ODF2: variants seen among roughly 807,000 people sequenced by gnomAD.
ODF2 encodes outer dense fiber protein 2.
In ODF2, 47 loss-of-function variants were observed where a neutral mutation model predicts 110.2. The ratio of observed to expected loss-of-function variants is 0.43; its 90% CI spans 0.34 to 0.54. The LOEUF (loss-of-function observed/expected upper bound fraction) is 0.54. Ranked by LOEUF, ODF2 falls within the 20% of genes least tolerant of loss-of-function variation. ODF2 has a pLI of 0.03. For missense variants in ODF2, 812 were observed against 1,054.5 expected, an observed-to-expected ratio of 0.77 and a Z score of 3.19; for synonymous variants, 352 against 397.7, an observed-to-expected ratio of 0.89 and a Z score of 1.37.
At chr9:128,457,557 A>C (rs1835230534) in intron 2 of ODF2, 10 of 1,303,562 alleles carry the variant, frequency 7.7e-6, no homozygotes, top group Non-Finnish European at 1.0e-5. Context: ...GTCTGGACCA[A>C]AACGTTTAAA....
At chr9:128,462,591 A>AT (rs1213222412) in intron 4 of ODF2, among the ~76,000 whole-genome samples, 7 of 150,444 alleles carry the variant, frequency 4.7e-5, no homozygotes, top group African/African-American at 1.7e-4. Flanking sequence ...GAGTACAGGG[A>AT]TTTTGTTTTT....
At chr9:128,462,623 G>A (rs1254811879) in intron 4 of ODF2, among the ~76,000 whole-genome samples, 5 of 147,626 alleles carry the variant, frequency 3.4e-5, no homozygotes, top group Non-Finnish European at 6.0e-5. Context: ...TTTTTGAGAC[G>A]GAGTCTCGCT....
intron 6 of ODF2, among the ~76,000 whole-genome samples, chr9:128,472,016 T>C (rs1293769233): frequency 1.3e-5 from 2 of 152,154 alleles, no homozygotes; most frequent in African/African-American, 4.8e-5. Flanking sequence ...GCGTGGTGGC[T>C]CACGCCTGTA....
intron 4 of ODF2, among the ~76,000 whole-genome samples, chr9:128,466,766 A>C (rs1464846222): frequency 6.7e-6 from 1 of 149,284 alleles, no homozygotes; most frequent in African/African-American, 2.4e-5. Flanking sequence ...TCACAAGGTC[A>C]GGAGATCGAG....
exon 11 of ODF2, chr9:128,483,949 G>A: frequency 1.2e-6 from 2 of 1,613,110 alleles, no homozygotes; most frequent in Non-Finnish European, 1.7e-6. Flanking sequence ...CTCAAGCAAA[G>A]ACAGCCTCTG....
chr9:128,482,912 T>G, intron 10 of ODF2, 25 bp downstream of exon 10: 1 of 1,564,792 alleles, frequency 6.4e-7, no homozygotes, highest in Admixed American at 1.8e-5. Context: ...TTTTTTTTTT[T>G]TTTAGACGGA....
At chr9:128,461,176 A>T in intron 4 of ODF2, 109 bp downstream of exon 4, 1 of 1,371,718 alleles carries the variant, frequency 7.3e-7, no homozygotes, top group Non-Finnish European at 9.9e-7. Context: ...GTCCTAACAG[A>T]CCCCATTTAC....
intron 3 of ODF2, chr9:128,460,271 G>C: frequency 7.4e-7 from 1 of 1,356,498 alleles, no homozygotes. Flanking sequence ...GAACCCTGGG[G>C]CCGGCGTCTG....
chr9:128,494,467 CTG>C lies in ODF2; in HGVS notation c.1753-40_1753-39del, dbSNP rs980710416. 5 of 1,583,848 alleles carry C rather than the reference CTG, an allele frequency of 3.2e-6. No individual in the cohort carries two copies. Among genetic ancestry groups the C allele is most frequent in the Admixed American group, 3.4e-5 (2 of 59,634 alleles). ...CCACTAGGAGCCAGGTCTTTCCTAA[CTG>C]TGGGTCTTTCCTTCCTGTGGGTCTT... On this transcript the variant is annotated intron_variant, in intron 16 of 20. Coordinates refer to ENST00000604420, the Ensembl canonical transcript of ODF2. The surrounding 1 kb of genome is among the most constrained non-coding windows in gnomAD (Gnocchi z 4.6).
At chr9:128,468,636 C>A (rs1838918754) in intron 4 of ODF2, among the ~76,000 whole-genome samples, 3 of 152,158 alleles carry the variant, frequency 2.0e-5, no homozygotes, top group Non-Finnish European at 4.4e-5. Flanking sequence ...GATCCTCCAG[C>A]CTTAGCCTCC....
chr9:128,491,695 C>T lies in ODF2; in HGVS notation c.1537-731C>T, dbSNP rs563036443. Among the ~76,000 whole-genome samples the T allele has an allele frequency of 9.9e-5, 15 of 151,990 alleles. No homozygotes were observed. The East Asian group carries it at 2.1e-3, about 22-fold the overall frequency. ...AAATAAACAAATAAAAAGTATGTTA[C>T]ATACAACCTGGCAGATCCCATGGTG... On this transcript the variant is annotated intron_variant, in intron 14 of 20. Coordinates refer to ENST00000604420, the Ensembl canonical transcript of ODF2.
At chr9:128,493,888 G>A (rs1031703241) in intron 16 of ODF2, among the ~76,000 whole-genome samples, 4 of 152,096 alleles carry the variant, frequency 2.6e-5, no homozygotes, top group Non-Finnish European at 5.9e-5. Context: ...TCCACCTCCC[G>A]GGTTCAAGTG....
intron 13 of ODF2, among the ~76,000 whole-genome samples, chr9:128,486,729 A>C (rs1384586443): frequency 6.6e-6 from 1 of 152,118 alleles, no homozygotes; most frequent in Non-Finnish European, 1.5e-5. Flanking sequence ...GCGTCTTTCT[A>C]TTTGTGCCTT....
chr9:128,480,940 C>A (rs1379338508), intron 8 of ODF2, among the ~76,000 whole-genome samples: 1 of 152,124 alleles, frequency 6.6e-6, no homozygotes, highest in Non-Finnish European at 1.5e-5. Context: ...CTTGATGCAG[C>A]AAAATGCTGT....
chr9:128,475,177 T>A (rs549899356), intron 8 of ODF2, among the ~76,000 whole-genome samples: 1 of 152,308 alleles, frequency 6.6e-6, no homozygotes, highest in South Asian at 2.1e-4. Context: ...TATGAGGTAT[T>A]ATAAATAATC....
chr9:128,496,180 G>A (rs1196722553), intron 18 of ODF2, 39 bp downstream of exon 18: 7 of 1,612,152 alleles, frequency 4.3e-6, no homozygotes, highest in Non-Finnish European at 5.9e-6. Flanking sequence ...CTCTTCCTAG[G>A]ACCTGAGACT....
intron 6 of ODF2, 129 bp downstream of exon 6, chr9:128,471,597 C>G: frequency 2.7e-6 from 2 of 734,112 alleles, no homozygotes; most frequent in Middle Eastern, 2.7e-4. Flanking sequence ...GGAGCCTGTT[C>G]AACAGTCACA....
intron 5 of ODF2, among the ~76,000 whole-genome samples, chr9:128,470,356 C>T (rs1588810546): frequency 6.6e-6 from 1 of 151,716 alleles, no homozygotes; most frequent in African/African-American, 2.4e-5. Flanking sequence ...CTTGGCCAGG[C>T]GTGGTGGCTC....
chr9:128,473,068 G>A, intron 7 of ODF2, 26 bp downstream of exon 7: 1 of 1,613,566 alleles, frequency 6.2e-7, no homozygotes. Context: ...CAGGACCCCA[G>A]CCATGGAACT....
Sources: gnomAD v4.1 joint callset for allele counts (sites outside exome capture counted in the v4.1 genomes callset) on GRCh38, gnomAD v4.1.1 for gene constraint, Gnocchi (gnomAD v3.1) non-coding constraint, MANE v1.5 for transcripts, NCBI Gene and HGNC (gene_info 2026-07-23, HGNC 2026-07-21) for gene names.